The following ZNF280C variants were observed in gnomAD, a reference collection of about 807,000 sequenced individuals.
ZNF280C encodes the protein suppressor of hairy wing homolog 3.
A neutral mutation model predicts 53.6 loss-of-function variants in ZNF280C; 14 were observed. The observed-to-expected ratio is 0.26, with a 90% CI of 0.17 to 0.41. The LOEUF (loss-of-function observed/expected upper bound fraction) is 0.41. Ranked by LOEUF, ZNF280C falls within the 10% of genes least tolerant of loss-of-function variation. The pLI is 1.00. For missense variants in ZNF280C, 416 were observed against 547.1 expected, an observed-to-expected ratio of 0.76 and a Z score of 2.39; for synonymous variants, 203 against 181.1, an observed-to-expected ratio of 1.12 and a Z score of -0.97.
chrX:130,229,573 A>T (rs1440184117), intron 9 of ZNF280C, among the ~76,000 whole-genome samples: 1 of 112,475 alleles, frequency 8.9e-6, no homozygotes, highest in Non-Finnish European at 1.9e-5. Flanking sequence ...TCAGCTGCTC[A>T]AAAGACAAAC....
chrX:130,264,681 T>C (rs2032669900), intron 1 of ZNF280C, among the ~76,000 whole-genome samples: 1 of 110,608 alleles, frequency 9.0e-6, no homozygotes, highest in Non-Finnish European at 1.9e-5. Context: ...ATATTATATA[T>C]ATAGTATATA....
At chrX:130,228,899 C>T in intron 10 of ZNF280C, 78 bp downstream of exon 10, 1 of 970,345 alleles carries the variant, frequency 1.0e-6, no homozygotes. Flanking sequence ...TTTTTTCTGC[C>T]AGAATTTTTA....
chrX:130,251,282 C>CAAAAAAAAAAAAAAAAAAAAAAAAAAA (rs61571389), intron 2 of ZNF280C, among the ~76,000 whole-genome samples: 3 of 15,339 alleles, frequency 2.0e-4, no homozygotes, highest in African/African-American at 1.2e-3. Flanking sequence ...GGACCTGTCT[C>CAAAAAAAAAAAAAAAAAAAAAAAAAAA]AAAAAAAAAA....
chrX:130,235,928 G>A (rs1422625726), intron 8 of ZNF280C, among the ~76,000 whole-genome samples: 3 of 111,772 alleles, frequency 2.7e-5, no homozygotes, highest in African/African-American at 9.7e-5. Flanking sequence ...TCTCACATAT[G>A]AGTGACAACG....
At chrX:130,207,816 C>T (rs2124695669) in intron 16 of ZNF280C, among the ~76,000 whole-genome samples, 1 of 111,865 alleles carries the variant, frequency 8.9e-6, no homozygotes, top group South Asian at 3.7e-4. Context: ...CTAGAATGCC[C>T]TTGTGCCTCT....
chrX:130,215,784 A>G lies in ZNF280C; in HGVS notation c.1838+7T>C. 1.7e-6 allele frequency: 2 copies of G among 1,185,503 alleles called. No individual in the cohort carries two copies. Among genetic ancestry groups the G allele is most frequent in the Non-Finnish European group, 2.3e-6 (2 of 881,874 alleles). The stretch of plus-strand genomic sequence containing the variant: ...TTGTATTGTATATCAGGAATAAAAG[A>G]TATTACCTTATGTTCTTCAAAGCAA... On this transcript the variant is annotated splice_region_variant and intron_variant, in intron 14 of 18. Coordinates refer to ENST00000370978, the MANE Select transcript of ZNF280C (RefSeq NM_017666.5).
intron 2 of ZNF280C, among the ~76,000 whole-genome samples, chrX:130,255,118 G>A (rs1458667939): frequency 1.6e-4 from 17 of 104,723 alleles, no homozygotes; most frequent in African/African-American, 5.5e-4. Context: ...AAGATTGGTA[G>A]AAAAATCATT....
At position 130,254,745 on chromosome X, in the gene ZNF280C, T is replaced by C. The variant is rs762716109; in HGVS notation, c.31+5674A>G. Among the ~76,000 whole-genome samples, 3 of 110,560 alleles carry C rather than the reference T, an allele frequency of 2.7e-5. No homozygotes were observed. In the East Asian group the frequency reaches 8.5e-4, roughly 31 times the overall value. On this transcript the variant is annotated intron_variant, in intron 2 of 18. Coordinates refer to ENST00000370978, the MANE Select transcript of ZNF280C (RefSeq NM_017666.5). ...ACATATAGAGGTGAACAACAGATGCTGAGGGCCTACTTGAGGGTGGAGGGT... is the reference window on the plus strand; with the variant it reads ...ACATATAGAGGTGAACAACAGATGCCGAGGGCCTACTTGAGGGTGGAGGGT...
In ZNF280C at chrX:130,236,587, GTTTAC is replaced by G. The variant is rs1356081798; in HGVS notation, c.541_545del (p.Val181GlnfsTer11). ...TCTTTGGTTTTTTTGGAGTAACACTGTTTACTTTAGAAGTAGAAGGATGTTTCAAC... is the reference window on the plus strand; with the variant it reads ...TCTTTGGTTTTTTTGGAGTAACACTGTTTAGAAGTAGAAGGATGTTTCAAC... On this transcript the variant is annotated frameshift_variant, in exon 7 of 19. Coordinates refer to ENST00000370978, the MANE Select transcript of ZNF280C (RefSeq NM_017666.5). LOFTEE classifies it high-confidence loss of function. 1.7e-6 allele frequency: 2 copies of G among 1,196,463 alleles called. No individual in the cohort carries two copies. Among genetic ancestry groups the G allele is most frequent in the Non-Finnish European group, 2.3e-6 (2 of 886,319 alleles).
chrX:130,255,887 G>A (rs978236133), intron 2 of ZNF280C, among the ~76,000 whole-genome samples: 1 of 111,931 alleles, frequency 8.9e-6, no homozygotes, highest in Admixed American at 9.4e-5. Flanking sequence ...CCCAGGAGCC[G>A]GTGGTTGCAG....
chrX:130,204,183 C>G lies in ZNF280C; in HGVS notation c.*794G>C, dbSNP rs1473110601. 2.7e-5 allele frequency: 3 copies of G among 112,653 alleles called. No homozygotes were observed. The highest frequency in any genetic ancestry group is 3.8e-5 in the Non-Finnish European group (2 of 53,283). 9.3% of individuals were successfully genotyped at this position (112,653 alleles called of 1,213,427 possible). A position where few individuals can be genotyped will look rare whatever the true frequency, so the allele number is the denominator to read the frequency against. On this transcript the variant is annotated 3_prime_UTR_variant, in exon 19 of 19. Transcript: ENST00000370978. ...CTGCTAGAGGAAAATTAAAGAGCAGCAGCCAAAATGGTTAAACGTCAACCT... is the reference window on the plus strand; with the variant it reads ...CTGCTAGAGGAAAATTAAAGAGCAGGAGCCAAAATGGTTAAACGTCAACCT...
At chrX:130,213,969 C>CT (rs1236946291) in intron 15 of ZNF280C, among the ~76,000 whole-genome samples, 1 of 111,583 alleles carries the variant, frequency 9.0e-6, no homozygotes, top group African/African-American at 3.3e-5. Context: ...ATACCTATTT[C>CT]TTTTTTAAAA....
chrX:130,249,159 G>C (rs1180393077), intron 2 of ZNF280C, among the ~76,000 whole-genome samples: 1 of 111,282 alleles, frequency 9.0e-6, no homozygotes. Flanking sequence ...ATACAGTCCT[G>C]CAACGGCCAG....
chrX:130,267,275 G>A (rs1179271538), intron 1 of ZNF280C, among the ~76,000 whole-genome samples: 2 of 110,848 alleles, frequency 1.8e-5, no homozygotes, highest in Non-Finnish European at 3.8e-5. Flanking sequence ...GTATGAAAAA[G>A]TCGAAAAAAA....
intron 18 of ZNF280C, 54 bp from the exon 19 acceptor site, chrX:130,205,046 T>C (rs1326922395): frequency 9.5e-7 from 1 of 1,052,848 alleles, no homozygotes; most frequent in Non-Finnish European, 1.2e-6. Flanking sequence ...TTAATATTAA[T>C]GATTCATTAA....
At chrX:130,244,369 T>C (rs1009643842) in intron 3 of ZNF280C, among the ~76,000 whole-genome samples, 1 of 111,939 alleles carries the variant, frequency 8.9e-6, no homozygotes, top group Non-Finnish European at 1.9e-5. Flanking sequence ...AGGAGTCAAA[T>C]TGAAATTTGG....
Position 130,230,593 on chromosome X carries a change from A to G in ZNF280C, c.906T>C (p.His302=). The G allele has an allele frequency of 8.3e-7, 1 of 1,209,966 alleles. No homozygotes were observed. The highest frequency in any genetic ancestry group is 1.8e-5 in the South Asian group (1 of 56,862). ...MLVNEFYYGR[H]EGVTEKEPKT... ...TTGGCTCTTTCTCAGTGACTCCTTC[A>G]TGCCTTCCATAATAAAACTCATTGA... Residue 302 remains histidine, a synonymous_variant, in exon 9 of 19, where the codon CAT becomes CAC. Transcript: ENST00000370978.
chrX:130,260,359 T>TG (rs1251329167), intron 2 of ZNF280C, 60 bp downstream of exon 2: 1 of 951,908 alleles, frequency 1.1e-6, no homozygotes, highest in Non-Finnish European at 1.4e-6. Context: ...TCTTTTCTTT[T>TG]GAAAGGTTTA....
Position 130,222,276 on chromosome X carries a change from CCACACACACACA to C in ZNF280C, c.1396-1808_1396-1797del, listed in dbSNP as rs59694150. On this transcript the variant is annotated intron_variant, in intron 12 of 18. Coordinates refer to ENST00000370978, the MANE Select transcript of ZNF280C (RefSeq NM_017666.5). ...GCTGGCATACATATACATTCAGACACCACACACACACACACACACACACACACACACACACAC... is the reference window on the plus strand; with the variant it reads ...GCTGGCATACATATACATTCAGACACCACACACACACACACACACACACAC... Among the ~76,000 whole-genome samples, 491 of 69,918 alleles carry C rather than the reference CCACACACACACA, an allele frequency of 7.0e-3. 3 individuals are homozygous for C. The highest frequency in any genetic ancestry group is 0.023 in the African/African-American group (393 of 17,006). The allele number at this position is 69,918 out of a possible 115,157, so 60.7% of individuals were successfully genotyped here.
Sources: gnomAD v4.1 joint callset for allele counts (sites outside exome capture counted in the v4.1 genomes callset) on GRCh38, gnomAD v4.1.1 for gene constraint, MANE v1.5 for transcripts, NCBI Gene and HGNC (gene_info 2026-07-23, HGNC 2026-07-21) for gene names.